The following TSHZ3 variants were observed in gnomAD, a reference collection of about 807,000 sequenced individuals.
TSHZ3 encodes teashirt homolog 3.
A neutral mutation model predicts 64.5 loss-of-function variants in TSHZ3; 10 were observed. The ratio of observed to expected loss-of-function variants is 0.16; its 90% CI spans 0.10 to 0.26. The LOEUF is 0.26. Ranked by LOEUF, TSHZ3 falls within the 10% of genes least tolerant of loss-of-function variation. The pLI is 1.00. For missense variants in TSHZ3, 1,242 were observed against 1,421.7 expected (o/e 0.87, Z 2.03); for synonymous variants, 608 against 593.1 (o/e 1.03, Z -0.36).
chr19:31,194,875 G>A (rs1156619955), intron 5 of TSHZ3, among the ~76,000 whole-genome samples: 2 of 152,132 alleles, frequency 1.3e-5, no homozygotes, highest in Non-Finnish European at 2.9e-5. Context: ...TAAGCAGGGA[G>A]ATGGAAATTC....
intron 1 of TSHZ3, among the ~76,000 whole-genome samples, chr19:31,303,093 C>T (rs1976779750): frequency 6.6e-6 from 1 of 152,186 alleles, no homozygotes; most frequent in East Asian, 1.9e-4. Flanking sequence ...CTTTCAAATA[C>T]GTTTGAACAA....
chr19:31,296,238 GGA>G (rs1308976834), intron 1 of TSHZ3, among the ~76,000 whole-genome samples: 2 of 151,624 alleles, frequency 1.3e-5, no homozygotes, highest in Non-Finnish European at 2.9e-5. Flanking sequence ...GGAATGGCAT[GGA>G]GAGAGGAAGG....
At chr19:31,338,513 A>G (rs1026673706) in intron 1 of TSHZ3, among the ~76,000 whole-genome samples, 3 of 152,100 alleles carry the variant, frequency 2.0e-5, no homozygotes, top group African/African-American at 7.2e-5. Context: ...AAGCCAACCA[A>G]AAGATTTTTT....
At chr19:31,211,179 G>C (rs1015609578) in intron 4 of TSHZ3, among the ~76,000 whole-genome samples, 2 of 152,194 alleles carry the variant, frequency 1.3e-5, no homozygotes, top group Non-Finnish European at 2.9e-5. Context: ...ATGACAGAGA[G>C]ACTCAGTGGG....
At chr19:31,217,733 C>T (rs1041474913) in intron 4 of TSHZ3, among the ~76,000 whole-genome samples, 1 of 152,168 alleles carries the variant, frequency 6.6e-6, no homozygotes, top group Non-Finnish European at 1.5e-5. Flanking sequence ...TGCATAATGG[C>T]ATGTATCCAC....
intron 1 of TSHZ3, among the ~76,000 whole-genome samples, chr19:31,330,041 T>C (rs1379652021): frequency 6.6e-6 from 1 of 151,974 alleles, no homozygotes; most frequent in African/African-American, 2.4e-5. Flanking sequence ...TGAGTAATCA[T>C]AAAAACTGTA....
At chr19:31,281,682 G>A (rs1288014006) in intron 1 of TSHZ3, among the ~76,000 whole-genome samples, 1 of 152,228 alleles carries the variant, frequency 6.6e-6, no homozygotes, top group Non-Finnish European at 1.5e-5. Flanking sequence ...GCTGGCCAAT[G>A]GAGGCTCCTG....
At chr19:31,159,718 G>A (rs1042026730) in intron 5 of TSHZ3, among the ~76,000 whole-genome samples, 4 of 151,532 alleles carry the variant, frequency 2.6e-5, no homozygotes, top group African/African-American at 9.7e-5. Context: ...TTTCAGATAG[G>A]TTCTCATTCT....
rs1453994376 is a variant in TSHZ3 at position 31,277,189 on chromosome 19, G to A, written c.2604C>T (p.Ile868=). ...HTSKSSTPSS[I]SEKSDIDGAT... is the part of the protein sequence containing the mutation. The stretch of plus-strand genomic sequence containing the variant: ...CCCCGTCAATGTCAGACTTCTCGGA[G>A]ATGCTGGAAGGAGTGGAGGATTTTG... Residue 868 remains isoleucine (I), a synonymous_variant, in exon 2 of 2, where the codon ATC becomes ATT. Coordinates refer to ENST00000240587, the MANE Select transcript of TSHZ3 (RefSeq NM_020856.4). This position sits in a 1 kb window ranked among gnomAD's most constrained non-coding sequence, Gnocchi z 4.5. 3 of 1,614,086 alleles carry A rather than the reference G, an allele frequency of 1.9e-6. No individual in the cohort carries two copies. In the African/African-American group the frequency reaches 4.0e-5, roughly 22 times the overall value.
chr19:31,348,914 G>A, intron 1 of TSHZ3: 1 of 431,620 alleles, frequency 2.3e-6, no homozygotes, highest in Non-Finnish European at 4.1e-6. Context: ...GGAGAGCTGA[G>A]GAGGTAGGGA....
At position 31,216,624 on chromosome 19, in the gene TSHZ3, TTTTTGTTTTG is replaced by T. The variant is rs768656673; in HGVS notation, n.686+11371_686+11380del. 7.6e-4 allele frequency among the ~76,000 whole-genome samples: 115 copies of T among 150,956 alleles called. 1 individual carries two copies. Among genetic ancestry groups the T allele is most frequent in the Admixed American group, 6.1e-3 (93 of 15,170 alleles). ...CTACCACACCCAGCTAATTTTTGTA[TTTTTGTTTTG>T]TTTTGTTTTGTTTTGTTTTTGAGAT... On this transcript the variant is annotated intron_variant and non_coding_transcript_variant, in intron 4 of 6. Transcript: ENST00000651361.
intron 5 of TSHZ3, among the ~76,000 whole-genome samples, chr19:31,197,411 A>G (rs1385555990): frequency 6.6e-6 from 1 of 151,748 alleles, no homozygotes; most frequent in East Asian, 1.9e-4. Flanking sequence ...AAATTAGAAA[A>G]AGAAGAACAA....
At chr19:31,151,928 A>C (rs181046026) in intron 6 of TSHZ3, among the ~76,000 whole-genome samples, 48 of 152,342 alleles carry the variant, frequency 3.2e-4, no homozygotes, top group Non-Finnish European at 5.3e-4. Flanking sequence ...AAGTGGTGAC[A>C]ATAGTTTAAT....
At chr19:31,286,288 A>G (rs1418179106) in intron 1 of TSHZ3, among the ~76,000 whole-genome samples, 2 of 152,240 alleles carry the variant, frequency 1.3e-5, no homozygotes, top group Admixed American at 1.3e-4. Context: ...GTAGAGACAC[A>G]CATGGATGAG....
intron 1 of TSHZ3, among the ~76,000 whole-genome samples, chr19:31,284,400 A>G (rs67266264): frequency 0.17 from 26,277 of 151,922 alleles, 3,477 homozygotes; most frequent in African/African-American, 0.36. Flanking sequence ...TTAATATAGA[A>G]TATCAGGCTG....
At chr19:31,162,783 G>A (rs1359531801) in intron 5 of TSHZ3, among the ~76,000 whole-genome samples, 4 of 152,232 alleles carry the variant, frequency 2.6e-5, no homozygotes, top group African/African-American at 9.7e-5. Context: ...TTAACCCAAA[G>A]TAGGGAGGTA....
At chr19:31,318,315 AT>A (rs1486831238) in intron 1 of TSHZ3, among the ~76,000 whole-genome samples, 3 of 152,240 alleles carry the variant, frequency 2.0e-5, no homozygotes, top group Non-Finnish European at 2.9e-5. Flanking sequence ...CACCATAAAA[AT>A]TCTAAACCAA....
At chr19:31,320,638 GC>G (rs1371815592) in intron 1 of TSHZ3, among the ~76,000 whole-genome samples, 3 of 152,156 alleles carry the variant, frequency 2.0e-5, no homozygotes, top group Non-Finnish European at 2.9e-5. Flanking sequence ...CTGGACCTAA[GC>G]CTTTGAAGGT....
rs1340519845 is a variant in TSHZ3 at position 31,276,992 on chromosome 19, T to C, written c.2801A>G (p.His934Arg). The C allele has an allele frequency of 5.6e-6, 9 of 1,613,154 alleles. No homozygotes were observed. The highest frequency in any genetic ancestry group is 4.4e-5 in the South Asian group (4 of 91,034). ...MSDLSPQERMHISRFTGLSMT... is the reference protein window; with the variant it reads ...MSDLSPQERMRISRFTGLSMT... ...GGACAGCCCGGTGAACCTGGAGATA[T>C]GCATCCGCTCCTGGGGGCTCAGGTC... The change falls in exon 2 of 2, where the codon CAT (histidine) becomes CGT (arginine). Residue 934 changes from histidine (H) to arginine (R), a missense_variant. Physicochemically the swap from His to Arg is conservative, Grantham distance 29. Transcript: ENST00000240587.
Sources: allele counts gnomAD v4.1 joint callset (sites outside exome capture counted in the v4.1 genomes callset), GRCh38; gene constraint gnomAD v4.1.1; non-coding constraint Gnocchi (gnomAD v3.1); transcripts MANE v1.5; gene names NCBI Gene and HGNC (gene_info 2026-07-23, HGNC 2026-07-21).